Variants in SZRD1 observed in about 807,000 individuals in gnomAD.
SZRD1 encodes the protein SUZ RNA binding domain containing 1.
SZRD1 carries 7 observed loss-of-function variants against 17.6 expected under a neutral mutation model. The ratio of observed to expected loss-of-function variants is 0.40; its 90% CI spans 0.23 to 0.75. SZRD1 has a LOEUF of 0.75. Among genes scored for constraint, SZRD1 ranks in the 30% least tolerant of loss-of-function variants. The pLI, the probability that SZRD1 is intolerant of heterozygous loss-of-function variation, is 0.38. For synonymous variants in SZRD1, 77 were observed against 77.9 expected (o/e 0.99, Z 0.06); for missense variants, 178 against 201.8 (o/e 0.88, Z 0.71).
chr1:16,374,376 A>G, intron 1 of SZRD1, among the ~76,000 whole-genome samples: 1 of 152,176 alleles, frequency 6.6e-6, no homozygotes, highest in East Asian at 1.9e-4. Context: ...CTGTGGCTTC[A>G]AAGAAAGGAG....
intron 1 of SZRD1, among the ~76,000 whole-genome samples, chr1:16,374,320 C>T (rs757701241): frequency 1.3e-5 from 2 of 152,172 alleles, no homozygotes; most frequent in Non-Finnish European, 2.9e-5. Context: ...AGGCATGATT[C>T]TGCTGAGCAG....
At chr1:16,389,621 A>G (rs2085191763) in intron 1 of SZRD1, among the ~76,000 whole-genome samples, 1 of 145,642 alleles carries the variant, frequency 6.9e-6, no homozygotes, top group Admixed American at 6.8e-5. Flanking sequence ...AATTTTTTGT[A>G]TTTTTATTAG....
rs568618207 is a variant in SZRD1 at position 16,393,897 on chromosome 1, G to C, written c.356+415G>C. On this transcript the variant is annotated intron_variant, in intron 3 of 3. Coordinates refer to ENST00000401088, the MANE Select transcript of SZRD1 (RefSeq NM_001114600.3). The surrounding 1 kb of genome is among the most constrained non-coding windows in gnomAD (Gnocchi z 5.6). The stretch of plus-strand genomic sequence containing the variant: ...TTATCAAGGTGTTGTGCAATTCAGT[G>C]AGTAAATGAGCATAGGATGTGGAGA... Among the ~76,000 whole-genome samples, 1 of 152,188 alleles carries C rather than the reference G, an allele frequency of 6.6e-6. No individual in the cohort carries two copies. Among genetic ancestry groups the C allele is most frequent in the Non-Finnish European group, 1.5e-5 (1 of 68,042 alleles).
chr1:16,390,342 G>C (rs997632479), intron 1 of SZRD1, among the ~76,000 whole-genome samples: 1 of 152,238 alleles, frequency 6.6e-6, no homozygotes, highest in Non-Finnish European at 1.5e-5. Context: ...TGAGGGCTCA[G>C]ACTGCCATGA....
At chr1:16,367,380 T>G (rs2082838071) in intron 1 of SZRD1, 72 bp downstream of exon 1, 3 of 1,429,824 alleles carry the variant, frequency 2.1e-6, no homozygotes, top group South Asian at 2.5e-5. Flanking sequence ...GGGGAGCGGG[T>G]CTGGAGATAG....
intron 1 of SZRD1, chr1:16,369,265 G>A: frequency 1.6e-6 from 1 of 638,454 alleles, no homozygotes; most frequent in Non-Finnish European, 2.8e-6. Context: ...CTTCATATAT[G>A]TTTTGGTGAG....
At chr1:16,373,690 C>CACTTG (rs1460557849) in intron 1 of SZRD1, among the ~76,000 whole-genome samples, 3 of 151,992 alleles carry the variant, frequency 2.0e-5, no homozygotes, top group Non-Finnish European at 4.4e-5. Flanking sequence ...CTCGACCTCC[C>CACTTG]AGGCTCAAGT....
intron 1 of SZRD1, among the ~76,000 whole-genome samples, chr1:16,379,870 C>G (rs972072302): frequency 6.6e-6 from 1 of 150,398 alleles, no homozygotes; most frequent in African/African-American, 2.4e-5. Flanking sequence ...AAGCAATTCT[C>G]CTGCCTCAGC....
intron 1 of SZRD1, among the ~76,000 whole-genome samples, chr1:16,374,728 A>G (rs2082970715): frequency 6.6e-6 from 1 of 152,180 alleles, no homozygotes; most frequent in Non-Finnish European, 1.5e-5. Flanking sequence ...GCTAGCCTCT[A>G]CAAGGTGTGT....
chr1:16,382,969 G>A (rs138305624), intron 1 of SZRD1, among the ~76,000 whole-genome samples: 236 of 151,654 alleles, frequency 1.6e-3, no homozygotes, highest in African/African-American at 5.4e-3. Context: ...GGGTTCTAGC[G>A]ATTCTCCTGC....
At chr1:16,367,349 C>T (rs1175154221) in intron 1 of SZRD1, 41 bp downstream of exon 1, 2 of 1,536,072 alleles carry the variant, frequency 1.3e-6, no homozygotes, top group Admixed American at 2.0e-5. Flanking sequence ...CCGGGCGAGA[C>T]CTGGCGTGAG....
intron 1 of SZRD1, among the ~76,000 whole-genome samples, chr1:16,368,534 C>T (rs1187454164): frequency 1.3e-5 from 2 of 152,130 alleles, no homozygotes; most frequent in African/African-American, 2.4e-5. Flanking sequence ...AGGATTCGTT[C>T]GTTCAGAGGA....
At position 16,383,490 on chromosome 1, in the gene SZRD1, G is replaced by A. The variant is rs1204027695; in HGVS notation, c.52-7885G>A. On this transcript the variant is annotated intron_variant, in intron 1 of 3. Coordinates refer to ENST00000401088, the MANE Select transcript of SZRD1 (RefSeq NM_001114600.3). ...CTCTTTCAGCCTCCCAAAGTGTTGG[G>A]ATTACAGGCATGAGCCACTGCCTCA... Among the ~76,000 whole-genome samples the A allele has an allele frequency of 2.0e-5, 3 of 151,694 alleles. No homozygotes were observed. In the East Asian group the frequency reaches 5.8e-4, roughly 29 times the overall value.
intron 1 of SZRD1, chr1:16,367,701 G>A (rs2082846070): frequency 4.6e-6 from 1 of 218,798 alleles, no homozygotes; most frequent in South Asian, 8.9e-5. Context: ...CACCATGTGG[G>A]TGGTGGTGGG....
chr1:16,382,973 C>G (rs921495187), intron 1 of SZRD1, among the ~76,000 whole-genome samples: 1 of 151,860 alleles, frequency 6.6e-6, no homozygotes, highest in African/African-American at 2.4e-5. Flanking sequence ...TCTAGCGATT[C>G]TCCTGCCTCA....
At chr1:16,368,775 A>G (rs1037650152) in intron 1 of SZRD1, among the ~76,000 whole-genome samples, 10 of 152,174 alleles carry the variant, frequency 6.6e-5, no homozygotes, top group Non-Finnish European at 8.8e-5. Context: ...TGAATCATCC[A>G]GACATCCCTA....
chr1:16,369,091 T>C (rs1006572962), intron 1 of SZRD1: 6 of 339,238 alleles, frequency 1.8e-5, no homozygotes, highest in African/African-American at 4.3e-5. Flanking sequence ...CTTTCTTTTT[T>C]CTTTTGGTTC....
At chr1:16,368,631 C>T (rs992782493) in intron 1 of SZRD1, among the ~76,000 whole-genome samples, 5 of 152,106 alleles carry the variant, frequency 3.3e-5, no homozygotes, top group Non-Finnish European at 7.4e-5. Flanking sequence ...TAACAGGTGT[C>T]AGTTGGCTCC....
At position 16,369,317 on chromosome 1, in the gene SZRD1, C is replaced by T. The variant is rs1224620847; in HGVS notation, c.51+2009C>T. ...TTGGAGAAAGGCACCTCGGATGTCA[C>T]GTTGATCTTGCTCTTACTCCTTTCA... On this transcript the variant is annotated intron_variant, in intron 1 of 3. Transcript: ENST00000401088. 5.6e-6 allele frequency: 4 copies of T among 708,818 alleles called. No individual in the cohort carries two copies. In the South Asian group the frequency reaches 6.4e-5, roughly 11 times the overall value. The allele number at this position is 708,818 out of a possible 1,614,324, so 43.9% of individuals were successfully genotyped here.
Sources: allele counts gnomAD v4.1 joint callset (sites outside exome capture counted in the v4.1 genomes callset), GRCh38; gene constraint gnomAD v4.1.1; non-coding constraint Gnocchi (gnomAD v3.1); transcripts MANE v1.5; gene names NCBI Gene and HGNC (gene_info 2026-07-23, HGNC 2026-07-21).